The following POU3F3 variants were observed in gnomAD, a reference collection of about 807,000 sequenced individuals.
POU3F3 encodes the protein POU class 3 homeobox 3.
Under a neutral mutation model 8.6 loss-of-function variants are expected in POU3F3, and 1 was observed. The observed-to-expected ratio is 0.12, with a 90% CI of 0.04 to 0.55. POU3F3 has a LOEUF of 0.55. POU3F3 is among the 20% of genes least tolerant of loss of function. The pLI, the probability that POU3F3 is intolerant of heterozygous loss-of-function variation, is 0.91. For synonymous variants in POU3F3, 418 were observed against 327.4 expected, an observed-to-expected ratio of 1.28 and a Z score of -2.99; for missense variants, 577 against 690.7, an observed-to-expected ratio of 0.84 and a Z score of 1.84.
the POU3F3 span, among the ~76,000 whole-genome samples, chr2:104,916,621 T>C: frequency 6.6e-6 from 1 of 152,156 alleles, no homozygotes; most frequent in Non-Finnish European, 1.5e-5. Context: ...ATACCCAAGA[T>C]AGAAGCCACA....
chr2:104,860,303 T>A (rs545822232), downstream of POU3F3, among the ~76,000 whole-genome samples: 25 of 152,340 alleles, frequency 1.6e-4, no homozygotes, highest in South Asian at 1.7e-3. Flanking sequence ...CCATTTTTTT[T>A]AATCAACCCT....
chr2:104,927,136 C>T, the POU3F3 span, among the ~76,000 whole-genome samples: 1 of 152,162 alleles, frequency 6.6e-6, no homozygotes, highest in Non-Finnish European at 1.5e-5. Flanking sequence ...TGTGCCCTAA[C>T]ATGGTGGGAA....
chr2:104,891,880 C>A, the POU3F3 span, among the ~76,000 whole-genome samples: 1 of 152,122 alleles, frequency 6.6e-6, no homozygotes, highest in Non-Finnish European at 1.5e-5. Context: ...AAATATGGCA[C>A]AAACCATCTG....
the POU3F3 span, among the ~76,000 whole-genome samples, chr2:104,925,187 C>T: frequency 6.6e-6 from 1 of 152,230 alleles, no homozygotes; most frequent in Non-Finnish European, 1.5e-5. Flanking sequence ...AAATCAACTT[C>T]TCCACCAGCA....
chr2:104,891,739 T>C, the POU3F3 span, among the ~76,000 whole-genome samples: 1 of 152,172 alleles, frequency 6.6e-6, no homozygotes, highest in Non-Finnish European at 1.5e-5. Flanking sequence ...ACATAAAATA[T>C]TTATGGGAGA....
At chr2:104,868,437 T>C in the POU3F3 span, 1 of 439,044 alleles carries the variant, frequency 2.3e-6, no homozygotes, top group Non-Finnish European at 4.6e-6. Flanking sequence ...TCAGTGACTG[T>C]TCCCCTACTT....
the POU3F3 span, among the ~76,000 whole-genome samples, chr2:104,903,638 G>A: frequency 2.6e-5 from 4 of 152,254 alleles, no homozygotes; most frequent in South Asian, 6.2e-4. Context: ...ACACAGACAC[G>A]CAAATGGCAC....
At chr2:104,887,220 A>G in the POU3F3 span, among the ~76,000 whole-genome samples, 1 of 152,226 alleles carries the variant, frequency 6.6e-6, no homozygotes, top group Admixed American at 6.5e-5. Context: ...CTTTACTGCA[A>G]TTTGTTTTAT....
chr2:104,914,844 C>T, the POU3F3 span, among the ~76,000 whole-genome samples: 1 of 152,328 alleles, frequency 6.6e-6, no homozygotes, highest in African/African-American at 2.4e-5. Flanking sequence ...TTAGCACAAG[C>T]TGCAATCTGG....
At chr2:104,864,397 C>T in the POU3F3 span, among the ~76,000 whole-genome samples, 1 of 152,220 alleles carries the variant, frequency 6.6e-6, no homozygotes, top group African/African-American at 2.4e-5. Flanking sequence ...GCCGCGTCCC[C>T]AAGTCAGCCT....
At chr2:104,911,020 C>T in the POU3F3 span, among the ~76,000 whole-genome samples, 1 of 152,054 alleles carries the variant, frequency 6.6e-6, no homozygotes, top group Non-Finnish European at 1.5e-5. Flanking sequence ...ATACATATGG[C>T]CATTTTATAT....
chr2:104,900,836 C>T, the POU3F3 span, among the ~76,000 whole-genome samples: 2 of 152,196 alleles, frequency 1.3e-5, no homozygotes, highest in Admixed American at 6.5e-5. Context: ...CGGCTCACTA[C>T]CGAGTGAATG....
the POU3F3 span, among the ~76,000 whole-genome samples, chr2:104,884,640 C>T: frequency 6.6e-6 from 1 of 152,150 alleles, no homozygotes; most frequent in Non-Finnish European, 1.5e-5. Context: ...ACCCTCTAGC[C>T]CTGTAAAAAC....
At chr2:104,865,432 T>C in the POU3F3 span, 1 of 152,226 alleles carries the variant, frequency 6.6e-6, no homozygotes, top group Non-Finnish European at 1.5e-5. Context: ...TTCTTTATTG[T>C]AGCTACAAAA....
the POU3F3 span, among the ~76,000 whole-genome samples, chr2:104,871,227 C>T: frequency 3.3e-5 from 5 of 152,180 alleles, no homozygotes; most frequent in Non-Finnish European, 7.3e-5. Context: ...TTACACTTTG[C>T]GTAACTTGGC....
chr2:104,875,204 G>A, the POU3F3 span, among the ~76,000 whole-genome samples: 1 of 152,292 alleles, frequency 6.6e-6, no homozygotes, highest in South Asian at 2.1e-4. Context: ...CCCATTGTGT[G>A]TATTTACTAC....
downstream of POU3F3, among the ~76,000 whole-genome samples, chr2:104,861,221 T>G (rs928223548): frequency 2.6e-5 from 4 of 152,218 alleles, no homozygotes. Context: ...GTAAAATCCA[T>G]TAATAACTTG....
chr2:104,898,588 AT>A, the POU3F3 span, among the ~76,000 whole-genome samples: 1 of 152,226 alleles, frequency 6.6e-6, no homozygotes, highest in Non-Finnish European at 1.5e-5. Context: ...AGACTGTCGT[AT>A]TTTATGACTA....
downstream of POU3F3, among the ~76,000 whole-genome samples, chr2:104,859,658 TA>T (rs1490205705): frequency 6.6e-6 from 1 of 152,208 alleles, no homozygotes; most frequent in Non-Finnish European, 1.5e-5. Context: ...GTCACTTTCA[TA>T]AATCAAACCC....
Sources: gnomAD v4.1 joint callset for allele counts (sites outside exome capture counted in the v4.1 genomes callset) on GRCh38, gnomAD v4.1.1 for gene constraint, MANE v1.5 for transcripts, NCBI Gene and HGNC (gene_info 2026-07-23, HGNC 2026-07-21) for gene names.